Variants in POLI observed in about 807,000 individuals in gnomAD.
POLI encodes the protein RAD30 homolog B.
POLI carries 58 observed loss-of-function variants against 51.6 expected under a neutral mutation model. That is an observed-to-expected ratio of 1.12 (90% CI 0.91 to 1.40). The LOEUF is 1.40. POLI is among the 40% of genes most tolerant of loss of function. The pLI is 0.00. For missense variants in POLI, 921 were observed against 871.3 expected (o/e 1.06, Z -0.72); for synonymous variants, 322 against 299.7 (o/e 1.07, Z -0.77).
chr18:54,313,453 T>C (rs1241515742), intron 3 of POLI, among the ~76,000 whole-genome samples: 3 of 152,124 alleles, frequency 2.0e-5, no homozygotes, highest in Non-Finnish European at 1.5e-5. Context: ...TTTTTGGTTT[T>C]GTATGAATTT....
In POLI at chr18:54,297,411, T is replaced by G. The variant is rs2088388249; in HGVS notation, c.*2944T>G. ...TCTGTCTTGAGTGTAGGCCTGGAGA[T>G]TTCCCTTATATGGTACAAACCAGCA... On this transcript the variant is annotated 3_prime_UTR_variant, in exon 10 of 10. Coordinates refer to ENST00000579534, the MANE Select transcript of POLI (RefSeq NM_007195.3). 22 of 975,686 alleles carry G rather than the reference T, an allele frequency of 2.3e-5. No homozygotes were observed. The highest frequency in any genetic ancestry group is 2.7e-5 in the Non-Finnish European group (22 of 821,252). 60.4% of individuals were successfully genotyped at this position (975,686 alleles called of 1,614,324 possible).
rs2088208730 is a variant in POLI at position 54,294,592 on chromosome 18, AG to A, written c.*126del. The stretch of plus-strand genomic sequence containing the variant: ...TAACGGAGTAAACTGTTCCAGATAA[AG>A]CAAGAATAGTTGCAAGAAGTAAATT... On this transcript the variant is annotated 3_prime_UTR_variant, in exon 10 of 10. Coordinates refer to ENST00000579534, the MANE Select transcript of POLI (RefSeq NM_007195.3). 1.7e-5 allele frequency: 23 copies of A among 1,317,198 alleles called. No individual in the cohort carries two copies. The highest frequency in any genetic ancestry group is 2.0e-5 in the Non-Finnish European group (21 of 1,037,366). The allele number at this position is 1,317,198 out of a possible 1,614,324, so 81.6% of individuals were successfully genotyped here.
In POLI at chr18:54,296,549, A is replaced by G. The variant is rs879759351; in HGVS notation, c.*2082A>G. The G allele has an allele frequency of 5.3e-6, 1 of 187,484 alleles. No individual in the cohort carries two copies. Among genetic ancestry groups the G allele is most frequent in the Non-Finnish European group, 1.0e-5 (1 of 100,460 alleles). The allele number at this position is 187,484 out of a possible 1,614,324, so 11.6% of individuals were successfully genotyped here. A position where few individuals can be genotyped will look rare whatever the true frequency, so the allele number is the denominator to read the frequency against. The stretch of plus-strand genomic sequence containing the variant: ...TATCTTTTAATTCATGTTCTGTAAA[A>G]TTCTCAACCACTAGCTCTTCAAATA... On this transcript the variant is annotated 3_prime_UTR_variant, in exon 10 of 10. Transcript: ENST00000579534.
At position 54,294,402 on chromosome 18, in the gene POLI, G is replaced by A; in HGVS notation, c.2158G>A (p.Val720Ile). The change falls in exon 10 of 10, where the codon GTA (valine) becomes ATA (isoleucine). Residue 720 changes from valine to isoleucine, a missense_variant. Coordinates refer to ENST00000579534, the MANE Select transcript of POLI (RefSeq NM_007195.3). ...PQVFYELPEA[V>I]QKELLAEWKR... ...AGTTTTCTATGAACTACCAGAAGCAGTACAAAAGGAACTGCTGGCAGAGTG... is the reference window on the plus strand; with the variant it reads ...AGTTTTCTATGAACTACCAGAAGCAATACAAAAGGAACTGCTGGCAGAGTG... 6.2e-7 allele frequency: 1 copy of A among 1,612,982 alleles called. No homozygotes were observed. Among genetic ancestry groups the A allele is most frequent in the South Asian group, 1.1e-5 (1 of 90,924 alleles).
intron 9 of POLI, 130 bp downstream of exon 9, chr18:54,292,168 A>AT (rs1207639724): frequency 1.7e-6 from 1 of 594,154 alleles, no homozygotes; most frequent in African/African-American, 1.9e-5. Context: ...TGTTTAGGTG[A>AT]TTAACTTGTT....
intron 4 of POLI, among the ~76,000 whole-genome samples, chr18:54,278,374 A>C (rs1374967306): frequency 2.6e-5 from 4 of 152,200 alleles, no homozygotes; most frequent in Non-Finnish European, 5.9e-5. Context: ...TTTTTGGAAT[A>C]ATTTTTTATT....
At chr18:54,273,443 T>C (rs1249023974) in intron 2 of POLI, among the ~76,000 whole-genome samples, 1 of 151,670 alleles carries the variant, frequency 6.6e-6, no homozygotes, top group East Asian at 1.9e-4. Context: ...ATTAATCTGC[T>C]TTTATATTGT....
At chr18:54,289,033 T>C (rs1487762658) in intron 8 of POLI, among the ~76,000 whole-genome samples, 1 of 152,168 alleles carries the variant, frequency 6.6e-6, no homozygotes, top group Non-Finnish European at 1.5e-5. Flanking sequence ...TATTGAAAAC[T>C]GAACCTCATA....
chr18:54,269,887 T>G, intron 1 of POLI: 1 of 1,264,720 alleles, frequency 7.9e-7, no homozygotes, highest in South Asian at 2.8e-5. Context: ...TACAAATACG[T>G]GTCGAGGGTT....
rs3730717 is a variant in POLI at position 54,276,428 on chromosome 18, C to T, written c.407-1275C>T. On this transcript the variant is annotated intron_variant, in intron 3 of 9. Transcript: ENST00000579534. ...AGGGATTTGTCCTGTGACCTAAAAT[C>T]AGTCAATATTTAGTGATCCACCAGC... is the stretch of plus-strand genomic sequence containing the variant. 7.5e-3 allele frequency among the ~76,000 whole-genome samples: 1,140 copies of T among 152,240 alleles called. 3 individuals carry two copies. The highest frequency in any genetic ancestry group is 9.7e-3 in the Non-Finnish European group (657 of 68,016).
chr18:54,277,909 A>G, intron 4 of POLI, 54 bp downstream of exon 4: 1 of 1,324,802 alleles, frequency 7.5e-7, no homozygotes, highest in South Asian at 1.3e-5. Flanking sequence ...TACATTTCTT[A>G]ATGTTCAGTG....
chr18:54,304,129 A>G (rs1250181770), intron 3 of POLI, among the ~76,000 whole-genome samples: 1 of 152,162 alleles, frequency 6.6e-6, no homozygotes, highest in Non-Finnish European at 1.5e-5. Context: ...CATGGTATAT[A>G]TGTGACACAT....
chr18:54,303,063 G>A (rs1411780508), downstream of POLI, among the ~76,000 whole-genome samples: 3 of 152,190 alleles, frequency 2.0e-5, no homozygotes, highest in African/African-American at 7.2e-5. Context: ...GAAAGCAAAA[G>A]TAATGATGTA....
Position 54,296,045 on chromosome 18 carries a change from CAG to C in POLI, c.*1580_*1581del. 1 of 984,786 alleles carries C rather than the reference CAG, an allele frequency of 1.0e-6. No homozygotes were observed. Among genetic ancestry groups the C allele is most frequent in the Non-Finnish European group, 1.2e-6 (1 of 829,368 alleles). The allele number at this position is 984,786 out of a possible 1,614,324, so 61.0% of individuals were successfully genotyped here. A position where few individuals can be genotyped will look rare whatever the true frequency, so the allele number is the denominator to read the frequency against. On this transcript the variant is annotated 3_prime_UTR_variant, in exon 10 of 10. Coordinates refer to ENST00000579534, the MANE Select transcript of POLI (RefSeq NM_007195.3). ...GAACAGTAACTTGAAGCAAGAACAT[CAG>C]AAATTGTTCACCATGCAAATATTTA...
At chr18:54,281,067 CTG>C (rs887918681) in intron 5 of POLI, among the ~76,000 whole-genome samples, 164 bp downstream of exon 5, 8 of 151,756 alleles carry the variant, frequency 5.3e-5, no homozygotes, top group African/African-American at 1.9e-4. Context: ...CTAAGAAAAA[CTG>C]TAATGTTTTC....
chr18:54,301,539 A>G (rs934196623), downstream of POLI, among the ~76,000 whole-genome samples: 1 of 152,224 alleles, frequency 6.6e-6, no homozygotes, highest in Non-Finnish European at 1.5e-5. Context: ...TGGATTTTAC[A>G]TTGTGATGCT....
intron 9 of POLI, among the ~76,000 whole-genome samples, chr18:54,293,009 T>G (rs892789037): frequency 6.6e-6 from 1 of 152,074 alleles, no homozygotes; most frequent in Non-Finnish European, 1.5e-5. Flanking sequence ...ACTTTTACTT[T>G]TTTGGAGTTC....
intron 1 of POLI, chr18:54,271,096 C>A: frequency 3.6e-6 from 1 of 274,244 alleles, no homozygotes; most frequent in Non-Finnish European, 6.8e-6. Context: ...TTTCATCATC[C>A]ATTATTTATC....
At chr18:54,279,292 G>GAGTGC (rs2087391565) in intron 4 of POLI, among the ~76,000 whole-genome samples, 1 of 147,344 alleles carries the variant, frequency 6.8e-6, no homozygotes, top group Non-Finnish European at 1.5e-5. Context: ...GCCCAGGCCG[G>GAGTGC]AGTGCAGTGA....
Sources: allele counts gnomAD v4.1 joint callset (sites outside exome capture counted in the v4.1 genomes callset), GRCh38; gene constraint gnomAD v4.1.1; transcripts MANE v1.5; gene names NCBI Gene and HGNC (gene_info 2026-07-23, HGNC 2026-07-21).